KSR2: variants seen among roughly 807,000 people sequenced by gnomAD.
KSR2 encodes the protein kinase suppressor of ras 2.
A neutral mutation model predicts 107.8 loss-of-function variants in KSR2; 25 were observed. The ratio of observed to expected loss-of-function variants is 0.23; its 90% CI spans 0.17 to 0.32. KSR2 has a LOEUF of 0.32. KSR2 is among the 10% of genes least tolerant of loss of function. The pLI, the probability that KSR2 is intolerant of heterozygous loss-of-function variation, is 1.00. For synonymous variants in KSR2, 480 were observed against 507.0 expected (o/e 0.95, Z 0.71); for missense variants, 887 against 1,268.9 (o/e 0.70, Z 4.57).
At chr12:117,733,833 G>C (rs867030181) in intron 4 of KSR2, among the ~76,000 whole-genome samples, 2 of 152,108 alleles carry the variant, frequency 1.3e-5, no homozygotes, top group African/African-American at 4.8e-5. Context: ...GGTGCCCCAG[G>C]CCTCTTATAC....
intron 7 of KSR2, among the ~76,000 whole-genome samples, chr12:117,564,408 C>A (rs1353431413): frequency 1.3e-5 from 2 of 152,212 alleles, no homozygotes; most frequent in Non-Finnish European, 2.9e-5. Context: ...CACATAGGCA[C>A]CAAATAGGTC....
At chr12:117,547,851 C>T (rs1876989984) in intron 9 of KSR2, among the ~76,000 whole-genome samples, 1 of 152,112 alleles carries the variant, frequency 6.6e-6, no homozygotes, top group African/African-American at 2.4e-5. Flanking sequence ...AATCCCAGCA[C>T]TTTGGGAGGC....
intron 1 of KSR2, among the ~76,000 whole-genome samples, chr12:117,940,898 C>T (rs957567335): frequency 1.3e-5 from 2 of 151,918 alleles, no homozygotes; most frequent in Non-Finnish European, 2.9e-5. Flanking sequence ...CCAGCCTGGC[C>T]AACATGGCAA....
chr12:117,576,672 C>T (rs1879303716), intron 7 of KSR2, among the ~76,000 whole-genome samples: 1 of 151,004 alleles, frequency 6.6e-6, no homozygotes, highest in Non-Finnish European at 1.5e-5. Context: ...AATTTTTTAC[C>T]TTAATTTATT....
intron 9 of KSR2, among the ~76,000 whole-genome samples, chr12:117,553,639 A>T (rs1877460487): frequency 6.6e-6 from 1 of 151,998 alleles, no homozygotes; most frequent in South Asian, 2.1e-4. Flanking sequence ...TCTCCTCCAA[A>T]TCTCATGTTG....
chr12:117,951,738 C>T, intron 1 of KSR2, among the ~76,000 whole-genome samples: 1 of 152,140 alleles, frequency 6.6e-6, no homozygotes, highest in Non-Finnish European at 1.5e-5. Context: ...AGACTATTTC[C>T]TCAACTAAAG....
At chr12:117,786,108 A>G (rs1890064351) in intron 3 of KSR2, among the ~76,000 whole-genome samples, 1 of 152,174 alleles carries the variant, frequency 6.6e-6, no homozygotes, top group Admixed American at 6.5e-5. Flanking sequence ...AAGGACAACA[A>G]CTTGAATGAC....
chr12:117,618,777 C>T, intron 5 of KSR2, among the ~76,000 whole-genome samples: 1 of 152,104 alleles, frequency 6.6e-6, no homozygotes, highest in Admixed American at 6.6e-5. Flanking sequence ...GATTGTGAGG[C>T]CTCCCCAGCC....
At chr12:117,700,336 G>A (rs1886252153) in intron 4 of KSR2, among the ~76,000 whole-genome samples, 1 of 152,116 alleles carries the variant, frequency 6.6e-6, no homozygotes, top group Non-Finnish European at 1.5e-5. Flanking sequence ...TCAGATCCTG[G>A]AGCCCACAGA....
At chr12:117,805,922 C>A (rs1037602369) in intron 3 of KSR2, among the ~76,000 whole-genome samples, 1 of 152,146 alleles carries the variant, frequency 6.6e-6, no homozygotes, top group African/African-American at 2.4e-5. Flanking sequence ...GCAGAGGTTG[C>A]AGTGAGCCAA....
chr12:117,595,351 C>CTTTTTTTTT (rs71099060), intron 5 of KSR2, among the ~76,000 whole-genome samples: 14 of 94,598 alleles, frequency 1.5e-4, no homozygotes, highest in African/African-American at 3.0e-4. Flanking sequence ...AGATCAAATT[C>CTTTTTTTTT]TTTTTTTTTT....
intron 14 of KSR2, among the ~76,000 whole-genome samples, chr12:117,491,530 A>G (rs890529753): frequency 6.6e-6 from 1 of 152,102 alleles, no homozygotes; most frequent in Admixed American, 6.6e-5. Flanking sequence ...AATGTCCTCT[A>G]GGTTCATTCA....
intron 4 of KSR2, among the ~76,000 whole-genome samples, chr12:117,707,982 G>C (rs1886596665): frequency 6.6e-6 from 1 of 152,198 alleles, no homozygotes; most frequent in Non-Finnish European, 1.5e-5. Context: ...AATTATCTTG[G>C]GAAATTCAAA....
chr12:117,572,495 G>T (rs867709476), intron 7 of KSR2, among the ~76,000 whole-genome samples: 1 of 152,008 alleles, frequency 6.6e-6, no homozygotes, highest in East Asian at 1.9e-4. Context: ...GCATCTCGAG[G>T]ACAAGTTTTT....
chr12:117,521,026 G>C (rs1196262890), intron 14 of KSR2, among the ~76,000 whole-genome samples: 1 of 152,116 alleles, frequency 6.6e-6, no homozygotes, highest in Non-Finnish European at 1.5e-5. Flanking sequence ...GGCAGGGCCA[G>C]GCACTGTTAC....
chr12:117,716,709 T>G (rs541662647), intron 4 of KSR2, among the ~76,000 whole-genome samples: 10 of 152,356 alleles, frequency 6.6e-5, no homozygotes, highest in Non-Finnish European at 4.4e-5. Context: ...ATTAGCTCTC[T>G]GACCTTGGTC....
At chr12:117,803,086 CA>C (rs1486937664) in intron 3 of KSR2, among the ~76,000 whole-genome samples, 1 of 152,166 alleles carries the variant, frequency 6.6e-6, no homozygotes, top group African/African-American at 2.4e-5. Context: ...CGATTCTGGG[CA>C]AAATAATGCC....
rs923254428 is a variant in KSR2 at position 117,780,583 on chromosome 12, T to C, written c.473-19059A>G. Among the ~76,000 whole-genome samples the C allele has an allele frequency of 3.3e-5, 5 of 152,124 alleles. 1 individual carries two copies. The highest frequency in any genetic ancestry group is 6.3e-3 in the Middle Eastern group (2 of 316). On this transcript the variant is annotated intron_variant, in intron 3 of 19. Coordinates refer to ENST00000339824, the MANE Select transcript of KSR2 (RefSeq NM_173598.6). ...TTACTTAATGGCCATGGAGTTTCTG[T>C]TTGGGATTATGAAAAAGCTCTGAAG...
At position 117,525,075 on chromosome 12, in the gene KSR2, G is replaced by A. The variant is rs1565883491; in HGVS notation, c.1996C>T (p.Leu666=). The A allele has an allele frequency of 6.2e-7, 1 of 1,614,020 alleles. No homozygotes were observed. The highest frequency in any genetic ancestry group is 1.7e-5 in the Admixed American group (1 of 60,020). ...LQEWDIPFEQ[L]EIGELIGKGR... ...TTTCCAATGAGCTCGCCGATCTCCAGCTGCTCAAAGGGGATGTCCCACTCC... is the reference window on the plus strand; with the variant it reads ...TTTCCAATGAGCTCGCCGATCTCCAACTGCTCAAAGGGGATGTCCCACTCC... The change falls in exon 14 of 20, where the codon CTG becomes TTG. Residue 666 remains leucine, a synonymous_variant. Transcript: ENST00000339824.
Sources: allele counts gnomAD v4.1 joint callset (sites outside exome capture counted in the v4.1 genomes callset), GRCh38; gene constraint gnomAD v4.1.1; transcripts MANE v1.5; gene names NCBI Gene and HGNC (gene_info 2026-07-23, HGNC 2026-07-21).